The following STK32B variants were observed in gnomAD, a reference collection of about 807,000 sequenced individuals.
STK32B encodes the protein serine/threonine-protein kinase 32B.
In STK32B, 43 loss-of-function variants were observed where a neutral mutation model predicts 52.6. The ratio of observed to expected loss-of-function variants is 0.82; its 90% CI spans 0.64 to 1.05. STK32B has a LOEUF of 1.05. Ranked by LOEUF, STK32B falls within the 50% of genes least tolerant of loss-of-function variation. The probability of loss-of-function intolerance (pLI) is 0.00; values close to 1 mark genes in which losing one functional copy is unlikely to be tolerated. For synonymous variants in STK32B, 238 were observed against 204.3 expected (o/e 1.17, Z -1.41); for missense variants, 621 against 534.6 (o/e 1.16, Z -1.59).
chr4:5,212,120 C>T (rs1722943730), intron 3 of STK32B, among the ~76,000 whole-genome samples: 2 of 152,126 alleles, frequency 1.3e-5, no homozygotes, highest in Non-Finnish European at 2.9e-5. Context: ...ACTTACTAAT[C>T]TTTATTAAGC....
chr4:5,370,982 A>T (rs201934302), intron 4 of STK32B, among the ~76,000 whole-genome samples: 1 of 109,352 alleles, frequency 9.1e-6, no homozygotes, highest in Non-Finnish European at 1.8e-5. Context: ...AAATATATAT[A>T]TATGTGTGTG....
chr4:5,431,888 G>C (rs1301690972), intron 6 of STK32B, among the ~76,000 whole-genome samples: 1 of 152,142 alleles, frequency 6.6e-6, no homozygotes, highest in East Asian at 1.9e-4. Flanking sequence ...AGGATTAAGA[G>C]AGAGGCCAGG....
intron 8 of STK32B, among the ~76,000 whole-genome samples, chr4:5,459,811 G>A (rs756743260): frequency 1.3e-5 from 2 of 152,198 alleles, no homozygotes; most frequent in Non-Finnish European, 2.9e-5. Context: ...GAGGCAGCCT[G>A]TTACAGGCTC....
At chr4:5,217,587 G>C (rs1256910720) in intron 3 of STK32B, among the ~76,000 whole-genome samples, 1 of 152,184 alleles carries the variant, frequency 6.6e-6, no homozygotes. Flanking sequence ...TGTATTTATG[G>C]GGAGTTGCTT....
intron 11 of STK32B, among the ~76,000 whole-genome samples, chr4:5,494,325 A>G (rs1033650551): frequency 6.6e-6 from 1 of 152,072 alleles, no homozygotes; most frequent in African/African-American, 2.4e-5. Flanking sequence ...TCCCTTTACC[A>G]TTATGTAATG....
At chr4:5,118,870 C>A (rs12649783) in intron 1 of STK32B, among the ~76,000 whole-genome samples, 28,859 of 152,070 alleles carry the variant, frequency 0.19, 3,416 homozygotes, top group East Asian at 0.4. Context: ...GGCCAAGGGG[C>A]AGCAGAGGAC....
At chr4:5,130,639 G>T (rs1325401370) in intron 1 of STK32B, among the ~76,000 whole-genome samples, 1 of 152,074 alleles carries the variant, frequency 6.6e-6, no homozygotes, top group African/African-American at 2.4e-5. Flanking sequence ...TCCCTGGGAG[G>T]CCAAATCAGG....
Position 5,331,307 on chromosome 4 carries a change from G to T in STK32B, c.348G>T (p.Val116=), listed in dbSNP as rs746044107. ...TGCGCTACCATCTGCAGCAGAATGT[G>T]CATTTCACAGAGGGGACTGTGAAAC... ...GDLRYHLQQN[V]HFTEGTVKLY... The change falls in exon 4 of 12, where the codon GTG becomes GTT. Residue 116 remains valine (V), a synonymous_variant. Coordinates refer to ENST00000282908, the MANE Select transcript of STK32B (RefSeq NM_018401.3). 2 of 1,613,952 alleles carry T rather than the reference G, an allele frequency of 1.2e-6. No homozygotes were observed. Among genetic ancestry groups the T allele is most frequent in the South Asian group, 2.2e-5 (2 of 91,044 alleles).
intron 3 of STK32B, among the ~76,000 whole-genome samples, chr4:5,181,339 C>CACACACAA (rs1720340821): frequency 7.3e-6 from 1 of 137,052 alleles, no homozygotes; most frequent in South Asian, 2.4e-4. Context: ...GACACACACA[C>CACACACAA]ACACACACAC....
intron 3 of STK32B, among the ~76,000 whole-genome samples, chr4:5,263,128 G>A (rs972930935): frequency 2.6e-5 from 4 of 151,958 alleles, no homozygotes; most frequent in African/African-American, 9.7e-5. Context: ...ACCCAACACC[G>A]GGAGGGACTT....
chr4:5,285,303 T>C (rs1035963988), intron 3 of STK32B, among the ~76,000 whole-genome samples: 1 of 152,162 alleles, frequency 6.6e-6, no homozygotes, highest in African/African-American at 2.4e-5. Context: ...ATCCCCATGT[T>C]GTTTAGGGTC....
At chr4:5,414,444 G>A (rs1454547840) in intron 5 of STK32B, among the ~76,000 whole-genome samples, 4 of 151,866 alleles carry the variant, frequency 2.6e-5, no homozygotes, top group Non-Finnish European at 5.9e-5. Context: ...AGAATGTTTC[G>A]GGTCAAATCT....
In STK32B at chr4:5,291,652, C is replaced by A. The variant is rs186515526; in HGVS notation, c.261-39568C>A. 3.3e-3 allele frequency among the ~76,000 whole-genome samples: 498 copies of A among 152,076 alleles called. 6 individuals carry two copies. The highest frequency in any genetic ancestry group is 5.6e-3 in the Non-Finnish European group (378 of 67,956). ...GATGGCTTTTATTTATTTCTCTTTC[C>A]TATTTTCCCTGACTATAGCTTCCAA... On this transcript the variant is annotated intron_variant, in intron 3 of 11. Transcript: ENST00000282908.
chr4:5,079,956 T>C (rs1485334160), intron 1 of STK32B, among the ~76,000 whole-genome samples: 9 of 151,842 alleles, frequency 5.9e-5, no homozygotes, highest in East Asian at 1.9e-4. Context: ...TTAAGAGAGG[T>C]TGGGGGCTGG....
chr4:5,102,624 C>T (rs903864542), intron 1 of STK32B, among the ~76,000 whole-genome samples: 14 of 151,488 alleles, frequency 9.2e-5, no homozygotes, highest in Non-Finnish European at 1.3e-4. Context: ...CTCCGCCTCC[C>T]GAGTTCAAGC....
At chr4:5,278,532 G>C (rs760308238) in intron 3 of STK32B, among the ~76,000 whole-genome samples, 1 of 152,180 alleles carries the variant, frequency 6.6e-6, no homozygotes, top group Admixed American at 6.5e-5. Context: ...CTGTCCGTCA[G>C]CACAAGAGAC....
intron 3 of STK32B, among the ~76,000 whole-genome samples, chr4:5,231,993 A>G (rs1398330986): frequency 6.6e-6 from 1 of 152,222 alleles, no homozygotes; most frequent in Admixed American, 6.5e-5. Context: ...CATTGAGAAC[A>G]TACTAGCCGA....
Position 5,239,863 on chromosome 4 carries a change from C to G in STK32B, c.260+71413C>G, listed in dbSNP as rs140553898. ...ATCTGGACCCCAGTAATATGAACTA[C>G]TTGATCGGTTCCAAATGCATCATGT... is the stretch of plus-strand genomic sequence containing the variant. On this transcript the variant is annotated intron_variant, in intron 3 of 11. Coordinates refer to ENST00000282908, the MANE Select transcript of STK32B (RefSeq NM_018401.3). 6.4e-3 allele frequency among the ~76,000 whole-genome samples: 981 copies of G among 152,136 alleles called. 12 individuals carry two copies. Among genetic ancestry groups the G allele is most frequent in the African/African-American group, 0.022 (899 of 41,472 alleles).
At chr4:5,349,593 T>C (rs1162439037) in intron 4 of STK32B, among the ~76,000 whole-genome samples, 1 of 151,962 alleles carries the variant, frequency 6.6e-6, no homozygotes, top group Non-Finnish European at 1.5e-5. Context: ...CAAGGAAATA[T>C]GAAACCCCAA....
Sources: gnomAD v4.1 joint callset for allele counts (sites outside exome capture counted in the v4.1 genomes callset) on GRCh38, gnomAD v4.1.1 for gene constraint, MANE v1.5 for transcripts, NCBI Gene and HGNC (gene_info 2026-07-23, HGNC 2026-07-21) for gene names.